Variants in NSUN7 observed in about 807,000 individuals in gnomAD.
NSUN7 encodes protein NSUN7.
In NSUN7, 39 loss-of-function variants were observed where a neutral mutation model predicts 58.5. That is an observed-to-expected ratio of 0.67 (90% CI 0.52 to 0.87). The LOEUF is 0.87. Ranked by LOEUF, NSUN7 falls within the 40% of genes least tolerant of loss-of-function variation. The pLI is 0.00. For synonymous variants in NSUN7, 278 were observed against 303.7 expected (o/e 0.92, Z 0.88); for missense variants, 765 against 844.1 (o/e 0.91, Z 1.16).
At chr4:40,787,778 G>A (rs983747610) in intron 7 of NSUN7, among the ~76,000 whole-genome samples, 1 of 152,204 alleles carries the variant, frequency 6.6e-6, no homozygotes, top group Non-Finnish European at 1.5e-5. Flanking sequence ...GAGAATGGAA[G>A]GAGGAACTAC....
intron 10 of NSUN7, among the ~76,000 whole-genome samples, chr4:40,801,154 G>A (rs189993806): frequency 2.0e-5 from 3 of 152,232 alleles, no homozygotes; most frequent in Non-Finnish European, 4.4e-5. Flanking sequence ...TGGGAGAAGA[G>A]GGCCACATTC....
chr4:40,807,094 A>T lies in NSUN7; in HGVS notation c.1434A>T (p.Leu478Phe), dbSNP rs371815959. ...LSPPVLPLCS[L>F]KEIQLSTDKF... Reference sequence around the variant, plus strand: ...CTCCTGTTCTTCCACTGTGCTCCTTAAAGGAAATTCAATTGTCTACTGATA... The same window carrying T: ...CTCCTGTTCTTCCACTGTGCTCCTTTAAGGAAATTCAATTGTCTACTGATA... The change falls in exon 11 of 12, where the codon TTA becomes TTT. Residue 478 changes from leucine (L) to phenylalanine (F), a missense_variant. Leu to Phe is a conservative substitution (Grantham distance 22). Coordinates refer to ENST00000381782, the MANE Select transcript of NSUN7 (RefSeq NM_024677.6). The T allele has an allele frequency of 1.9e-6, 3 of 1,551,678 alleles. No individual in the cohort carries two copies. Among genetic ancestry groups the T allele is most frequent in the Non-Finnish European group, 2.6e-6 (3 of 1,146,916 alleles).
chr4:40,777,003 A>G (rs933270377), intron 7 of NSUN7, among the ~76,000 whole-genome samples: 1 of 152,352 alleles, frequency 6.6e-6, no homozygotes, highest in Admixed American at 6.5e-5. Context: ...TTATAGGTTC[A>G]GCGAGGCTGA....
intron 4 of NSUN7, among the ~76,000 whole-genome samples, chr4:40,769,248 T>C (rs1577554355): frequency 6.6e-6 from 1 of 152,340 alleles, no homozygotes; most frequent in Non-Finnish European, 1.5e-5. Context: ...TTTCCTGCAA[T>C]CTATTCCACA....
At chr4:40,808,210 G>A (rs1743927186) in intron 11 of NSUN7, 97 bp from the exon 12 acceptor site, 4 of 1,323,442 alleles carry the variant, frequency 3.0e-6, no homozygotes, top group Non-Finnish European at 3.1e-6. Context: ...GTATAATAAA[G>A]AGAGTCTTTT....
At chr4:40,752,492 C>T (rs1379932156) in intron 2 of NSUN7, among the ~76,000 whole-genome samples, 1 of 152,186 alleles carries the variant, frequency 6.6e-6, no homozygotes, top group Non-Finnish European at 1.5e-5. Context: ...ACAATCTTGG[C>T]TCACTGCAAG....
chr4:40,780,780 CACACACATACACATATATATAT>C (rs1227000047), intron 7 of NSUN7, among the ~76,000 whole-genome samples: 1 of 71,888 alleles, frequency 1.4e-5, no homozygotes, highest in Admixed American at 1.5e-4. Context: ...CACACACACA[CACACACATACACATATATATAT>C]ATATATATAT....
intron 10 of NSUN7, among the ~76,000 whole-genome samples, chr4:40,802,248 T>C (rs1743618258): frequency 6.6e-6 from 1 of 151,664 alleles, no homozygotes; most frequent in African/African-American, 2.4e-5. Flanking sequence ...GGATCTGTAA[T>C]TCTATTCCAT....
At chr4:40,802,724 C>T (rs1743639987) in intron 10 of NSUN7, among the ~76,000 whole-genome samples, 1 of 151,002 alleles carries the variant, frequency 6.6e-6, no homozygotes, top group African/African-American at 2.4e-5. Context: ...AACACAATTA[C>T]ATATATTGCA....
chr4:40,755,551 C>T (rs1044933640), intron 2 of NSUN7, among the ~76,000 whole-genome samples: 4 of 152,132 alleles, frequency 2.6e-5, no homozygotes, highest in East Asian at 1.9e-4. Flanking sequence ...TGCTGAACTT[C>T]GAATCCCAGG....
intron 7 of NSUN7, among the ~76,000 whole-genome samples, chr4:40,778,733 T>C (rs1742385682): frequency 6.6e-6 from 1 of 152,158 alleles, no homozygotes; most frequent in Non-Finnish European, 1.5e-5. Context: ...AGGCATACCA[T>C]AGCATACCTG....
At chr4:40,766,281 T>A (rs1226136350) in intron 4 of NSUN7, among the ~76,000 whole-genome samples, 1 of 63,104 alleles carries the variant, frequency 1.6e-5, no homozygotes, top group Admixed American at 2.0e-4. Flanking sequence ...ATTGAGAGTT[T>A]TTAGCATGAA....
intron 7 of NSUN7, among the ~76,000 whole-genome samples, chr4:40,780,945 A>G (rs1742535343): frequency 1.3e-5 from 2 of 148,198 alleles, no homozygotes; most frequent in South Asian, 2.1e-4. Flanking sequence ...TCAGCCTCCC[A>G]AGTAGCTGGG....
intron 7 of NSUN7, among the ~76,000 whole-genome samples, chr4:40,780,811 ATATTTTTT>A (rs1560555739): frequency 3.2e-5 from 3 of 94,092 alleles, no homozygotes; most frequent in African/African-American, 8.4e-5. Flanking sequence ...ATATATATAT[ATATTTTTT>A]TTTTTTTTTT....
chr4:40,771,337 T>G (rs1202483678), intron 4 of NSUN7, among the ~76,000 whole-genome samples: 1 of 152,130 alleles, frequency 6.6e-6, no homozygotes, highest in Non-Finnish European at 1.5e-5. Flanking sequence ...GGAGCTACAT[T>G]TTATAGTACC....
At chr4:40,805,360 G>C (rs1408066953) in intron 10 of NSUN7, among the ~76,000 whole-genome samples, 3 of 152,094 alleles carry the variant, frequency 2.0e-5, no homozygotes. Context: ...GCTGTCACTT[G>C]ACTGCTTTCC....
chr4:40,768,233 G>A (rs1464275234), intron 4 of NSUN7, among the ~76,000 whole-genome samples: 1 of 130,514 alleles, frequency 7.7e-6, no homozygotes, highest in African/African-American at 2.9e-5. Context: ...ACGGACTCTT[G>A]CTCTGTCGCC....
intron 7 of NSUN7, among the ~76,000 whole-genome samples, chr4:40,784,439 C>T (rs78000711): frequency 0.024 from 3,673 of 152,168 alleles, 160 homozygotes; most frequent in African/African-American, 0.083. Flanking sequence ...AGTATTTGGC[C>T]ATAAAAAAGA....
rs79858583 is a variant in NSUN7, at chr4:40,803,775, G to T, written c.1401-3286G>T. 1.4e-3 allele frequency among the ~76,000 whole-genome samples: 217 copies of T among 152,180 alleles called. 2 individuals are homozygous for T. The East Asian group carries it at 0.02, about 14-fold the overall frequency. ...TTAGGAGTCCAAATTCCTTCTTTGC[G>T]TGTGGTCATCCAGTTCTCCCAGCAA... On this transcript the variant is annotated intron_variant, in intron 10 of 11. Transcript: ENST00000381782.
Sources: gnomAD v4.1 joint callset for allele counts (sites outside exome capture counted in the v4.1 genomes callset) on GRCh38, gnomAD v4.1.1 for gene constraint, MANE v1.5 for transcripts, NCBI Gene and HGNC (gene_info 2026-07-23, HGNC 2026-07-21) for gene names.